Variants in THTPA observed in about 807,000 individuals in gnomAD.
THTPA encodes thiamine-triphosphatase.
A neutral mutation model predicts 16.5 loss-of-function variants in THTPA; 16 were observed. That is an observed-to-expected ratio of 0.97 (90% CI 0.66 to 1.47). The LOEUF is 1.47. Ranked by LOEUF, THTPA falls within the 40% of genes most tolerant of loss-of-function variation. The pLI is 0.00. For synonymous variants in THTPA, 110 were observed against 115.5 expected, an observed-to-expected ratio of 0.95 and a Z score of 0.30; for missense variants, 281 against 280.9, an observed-to-expected ratio of 1.00 and a Z score of 0.00.
chr14:23,527,787 G>A, the THTPA span: 3 of 1,533,054 alleles, frequency 2.0e-6, no homozygotes, highest in African/African-American at 2.7e-5. Flanking sequence ...GGAAGCTGCA[G>A]TATGGACAGC....
At chr14:23,525,049 C>A in the THTPA span, 1 of 1,536,220 alleles carries the variant, frequency 6.5e-7, no homozygotes, top group South Asian at 1.2e-5. This position sits in a 1 kb window ranked among gnomAD's most constrained non-coding sequence, Gnocchi z 5.9. Context: ...CCAGACCCAA[C>A]AGACTTGCGA....
chr14:23,524,820 C>G, the THTPA span: 2 of 1,537,052 alleles, frequency 1.3e-6, no homozygotes, highest in Non-Finnish European at 1.7e-6. The surrounding 1 kb of genome is among the most constrained non-coding windows in gnomAD (Gnocchi z 5.6). Flanking sequence ...TCCTCTTCCC[C>G]TCTCTCTGCC....
the THTPA span, chr14:23,533,564 T>C: frequency 1.4e-5 from 22 of 1,536,376 alleles, no homozygotes; most frequent in Non-Finnish European, 1.9e-5. This position sits in a 1 kb window ranked among gnomAD's most constrained non-coding sequence, Gnocchi z 4.8. Context: ...TCAGAGGTCA[T>C]ATGGATGCGC....
the THTPA span, among the ~76,000 whole-genome samples, chr14:23,518,711 G>T: frequency 6.6e-6 from 1 of 152,184 alleles, no homozygotes; most frequent in Non-Finnish European, 1.5e-5. The surrounding 1 kb of genome is among the most constrained non-coding windows in gnomAD (Gnocchi z 4.5). Flanking sequence ...GGTTAGGGGT[G>T]GGGGAGGTAC....
intron 1 of THTPA, among the ~76,000 whole-genome samples, chr14:23,558,401 G>A (rs953159049): frequency 7.2e-5 from 11 of 152,206 alleles, no homozygotes; most frequent in African/African-American, 1.9e-4. Context: ...TGACGCTGAG[G>A]CATCCTTCGT....
the THTPA span, among the ~76,000 whole-genome samples, chr14:23,516,606 A>G: frequency 2.6e-5 from 4 of 152,198 alleles, no homozygotes; most frequent in Non-Finnish European, 4.4e-5. Flanking sequence ...GGTTAGGAAC[A>G]TTGTCAAGAG....
chr14:23,534,037 G>C, the THTPA span: 1 of 1,536,006 alleles, frequency 6.5e-7, no homozygotes. The surrounding 1 kb of genome is among the most constrained non-coding windows in gnomAD (Gnocchi z 4.5). Context: ...CTGGAAGGCT[G>C]CAGGGGCTGG....
chr14:23,527,042 C>A, the THTPA span: 2 of 1,440,630 alleles, frequency 1.4e-6, no homozygotes, highest in East Asian at 5.0e-5. Flanking sequence ...CCTGACCCAT[C>A]TGCCCTACAC....
chr14:23,527,483 C>A, the THTPA span: 1 of 1,305,844 alleles, frequency 7.7e-7, no homozygotes, highest in Non-Finnish European at 1.1e-6. Flanking sequence ...AACACACGCA[C>A]TTGCCTGAAT....
the THTPA span, chr14:23,523,325 G>A: frequency 1.4e-6 from 2 of 1,454,240 alleles, no homozygotes; most frequent in Non-Finnish European, 1.8e-6. The surrounding 1 kb of genome is among the most constrained non-coding windows in gnomAD (Gnocchi z 4.1). Context: ...AGGTGTGGTG[G>A]CAGGTGGGGC....
Position 23,559,712 on chromosome 14 carries a change from G to T in THTPA, c.*872G>T. On this transcript the variant is annotated 3_prime_UTR_variant, in exon 2 of 2. Transcript: ENST00000288014. Reference sequence around the variant, plus strand: ...AAGCTGCTGGGGCCCCCTGGGGTTTGGGACACAGGAGAATTTCAGGCTGTG... The same window carrying T: ...AAGCTGCTGGGGCCCCCTGGGGTTTTGGACACAGGAGAATTTCAGGCTGTG... The T allele has an allele frequency of 6.2e-7, 1 of 1,603,268 alleles. No individual in the cohort carries two copies. The highest frequency in any genetic ancestry group is 1.1e-5 in the South Asian group (1 of 90,198).
At chr14:23,533,461 C>G in the THTPA span, 1 of 1,534,978 alleles carries the variant, frequency 6.5e-7, no homozygotes, top group Admixed American at 2.0e-5. This position sits in a 1 kb window ranked among gnomAD's most constrained non-coding sequence, Gnocchi z 4.8. Context: ...GGGGGTAGCC[C>G]CTGGTGGGGG....
At chr14:23,533,566 T>C in the THTPA span, 4 of 1,536,538 alleles carry the variant, frequency 2.6e-6, no homozygotes, top group Non-Finnish European at 8.7e-7. This position sits in a 1 kb window ranked among gnomAD's most constrained non-coding sequence, Gnocchi z 4.8. Context: ...AGAGGTCATA[T>C]GGATGCGCAG....
At chr14:23,522,910 G>A in the THTPA span, 31 of 1,460,060 alleles carry the variant, frequency 2.1e-5, no homozygotes, top group African/African-American at 2.1e-4. Flanking sequence ...CCGAAGTGGC[G>A]AGGCCGAGGA....
At chr14:23,544,601 G>C in the THTPA span, among the ~76,000 whole-genome samples, 2 of 152,302 alleles carry the variant, frequency 1.3e-5, no homozygotes, top group Admixed American at 1.3e-4. Context: ...AGGGTATCCT[G>C]TTCAGTGTGT....
chr14:23,522,653 C>T, the THTPA span: 1 of 1,536,130 alleles, frequency 6.5e-7, no homozygotes, highest in Non-Finnish European at 8.7e-7. Flanking sequence ...CAGGAACTGG[C>T]CCCCCAACAG....
the THTPA span, chr14:23,531,632 C>A: frequency 5.3e-6 from 8 of 1,521,584 alleles, no homozygotes; most frequent in African/African-American, 4.1e-5. Context: ...GCAGCACAGC[C>A]AAGCGGGAGG....
chr14:23,527,900 CCTTTT>C, the THTPA span: 1 of 808,460 alleles, frequency 1.2e-6, no homozygotes, highest in East Asian at 2.9e-5. Context: ...CGCCCCCACT[CCTTTT>C]TTTTTTTTTT....
the THTPA span, chr14:23,548,503 C>T: frequency 6.6e-6 from 1 of 152,164 alleles, no homozygotes; most frequent in Admixed American, 6.5e-5. Context: ...AGGGAGGAAC[C>T]CTGTCAGGTT....
Sources: gnomAD v4.1 joint callset for allele counts (sites outside exome capture counted in the v4.1 genomes callset) on GRCh38, gnomAD v4.1.1 for gene constraint, Gnocchi (gnomAD v3.1) non-coding constraint, MANE v1.5 for transcripts, NCBI Gene and HGNC (gene_info 2026-07-23, HGNC 2026-07-21) for gene names.